DMD: variants seen among roughly 807,000 people sequenced by gnomAD.
DMD encodes dystrophin, also known as mutant dystrophin.
DMD carries 63 observed loss-of-function variants against 330.1 expected under a neutral mutation model. That is an observed-to-expected ratio of 0.19 (90% CI 0.16 to 0.24). The LOEUF (loss-of-function observed/expected upper bound fraction) is 0.24. DMD is among the 10% of genes least tolerant of loss of function. DMD has a pLI of 1.00. For missense variants in DMD, 3,344 were observed against 2,684.1 expected (o/e 1.25, Z -5.43); for synonymous variants, 1,223 against 959.8 (o/e 1.27, Z -5.07).
chrX:31,993,112 C>G (rs752581946), intron 44 of DMD, among the ~76,000 whole-genome samples: 7 of 111,134 alleles, frequency 6.3e-5, no homozygotes, highest in African/African-American at 1.3e-4. Context: ...ATAAATTACC[C>G]TATAAAACTT....
intron 17 of DMD, among the ~76,000 whole-genome samples, chrX:32,523,932 C>CTTTT (rs57254581): frequency 1.1e-5 from 1 of 87,449 alleles, no homozygotes; most frequent in Non-Finnish European, 2.2e-5. Context: ...CAAAAGAAAT[C>CTTTT]TTTTTTTTTT....
At chrX:32,435,124 TTTTA>T (rs1198816879) in intron 29 of DMD, among the ~76,000 whole-genome samples, 2 of 108,127 alleles carry the variant, frequency 1.8e-5, no homozygotes, top group African/African-American at 3.3e-5. Flanking sequence ...TGTCTTCACA[TTTTA>T]TTTAACTAAT....
chrX:31,435,594 T>A (rs1186969136), intron 60 of DMD: 1 of 112,253 alleles, frequency 8.9e-6, no homozygotes, highest in Non-Finnish European at 1.9e-5. Context: ...TAGTTTCCAT[T>A]CCCCTTTATG....
At chrX:31,603,370 T>C (rs1181608828) in intron 55 of DMD, among the ~76,000 whole-genome samples, 1 of 111,616 alleles carries the variant, frequency 9.0e-6, no homozygotes, top group African/African-American at 3.2e-5. Flanking sequence ...CTACTAAATG[T>C]ATGTCTATCA....
rs752926164 is a variant in DMD, at chrX:32,539,136, T to A, written c.2168+6023A>T. Among the ~76,000 whole-genome samples, 8 of 110,162 alleles carry A rather than the reference T, an allele frequency of 7.3e-5. No homozygotes were observed. In the South Asian group the frequency reaches 3.1e-3, roughly 43 times the overall value. ...GAACATTTAATAGATGGTTATCTTT[T>A]TGAGGATGTGAAGATGGTATGCAAG... is the stretch of plus-strand genomic sequence containing the variant. On this transcript the variant is annotated intron_variant, in intron 17 of 78. Transcript: ENST00000357033.
intron 54 of DMD, among the ~76,000 whole-genome samples, chrX:31,630,044 G>A (rs1045510580): frequency 2.0e-4 from 23 of 112,224 alleles, no homozygotes; most frequent in Non-Finnish European, 3.2e-4. Flanking sequence ...GATGAGCTGC[G>A]CTTGATGCAT....
intron 44 of DMD, among the ~76,000 whole-genome samples, chrX:32,131,109 C>T (rs954827284): frequency 9.0e-6 from 1 of 111,203 alleles, no homozygotes; most frequent in African/African-American, 3.3e-5. Context: ...CATTTGAACC[C>T]GGGAGGCAGA....
chrX:32,382,010 A>T (rs992254615), intron 33 of DMD, among the ~76,000 whole-genome samples: 1 of 111,114 alleles, frequency 9.0e-6, no homozygotes, highest in Non-Finnish European at 1.9e-5. Context: ...ACACAGGAAT[A>T]TTGCGAGGGT....
chrX:31,654,590 G>A (rs759673937), intron 54 of DMD, among the ~76,000 whole-genome samples: 3 of 112,033 alleles, frequency 2.7e-5, no homozygotes, highest in Admixed American at 1.9e-4. Flanking sequence ...AAAAAAGAAT[G>A]AGATCATGTC....
chrX:31,446,724 TAGAA>T (rs903778944), intron 59 of DMD, among the ~76,000 whole-genome samples: 3 of 112,463 alleles, frequency 2.7e-5, no homozygotes, highest in Admixed American at 1.9e-4. Context: ...TTTTGCATAA[TAGAA>T]AGGTTAGAAA....
chrX:33,328,025 G>T (rs1404596104), intron 1 of DMD, among the ~76,000 whole-genome samples: 2 of 111,720 alleles, frequency 1.8e-5, no homozygotes, highest in Non-Finnish European at 3.8e-5. Context: ...TAAAATTTAT[G>T]TTGTTCTTCA....
intron 1 of DMD, among the ~76,000 whole-genome samples, chrX:33,079,164 G>A (rs1053940703): frequency 9.0e-6 from 1 of 111,513 alleles, no homozygotes; most frequent in Non-Finnish European, 1.9e-5. Context: ...CCGAGTAGCT[G>A]GGATTACAGG....
intron 45 of DMD, among the ~76,000 whole-genome samples, chrX:31,934,888 C>T (rs2094904318): frequency 8.9e-6 from 1 of 111,946 alleles, no homozygotes; most frequent in South Asian, 3.7e-4. Context: ...ATTCTTTCTT[C>T]GTTTTATGAA....
intron 30 of DMD, among the ~76,000 whole-genome samples, chrX:32,398,391 C>G (rs1205650481): frequency 9.1e-6 from 1 of 109,431 alleles, no homozygotes; most frequent in African/African-American, 3.3e-5. Flanking sequence ...TCAGTGTCTC[C>G]CCTACATTGT....
At chrX:33,129,091 G>C (rs1370044159) in intron 1 of DMD, 1 of 111,448 alleles carries the variant, frequency 9.0e-6, no homozygotes, top group Non-Finnish European at 1.9e-5. Context: ...ATTGTGTCAG[G>C]CTTCTGTAAT....
At chrX:32,790,702 A>G (rs1466006234) in intron 7 of DMD, among the ~76,000 whole-genome samples, 5 of 111,809 alleles carry the variant, frequency 4.5e-5, no homozygotes, top group Non-Finnish European at 9.4e-5. Context: ...CTTCATGCAC[A>G]CTGAAGACTA....
chrX:32,671,214 A>C (rs1444921302), intron 9 of DMD, among the ~76,000 whole-genome samples: 1 of 110,837 alleles, frequency 9.0e-6, no homozygotes, highest in Non-Finnish European at 1.9e-5. Context: ...GTACTTATAT[A>C]ATGTTCTGAA....
chrX:31,232,743 C>T (rs184366525), intron 63 of DMD, among the ~76,000 whole-genome samples: 13 of 111,815 alleles, frequency 1.2e-4, no homozygotes, highest in Non-Finnish European at 2.1e-4. Flanking sequence ...GAGGCTTAAT[C>T]TCGAAGCTGC....
intron 20 of DMD, among the ~76,000 whole-genome samples, chrX:32,489,502 A>C (rs909870273): frequency 4.5e-5 from 5 of 111,191 alleles, no homozygotes; most frequent in African/African-American, 1.6e-4. Context: ...GGTTATCTGC[A>C]AGCCAGGAAG....
Sources: allele counts gnomAD v4.1 joint callset (sites outside exome capture counted in the v4.1 genomes callset), GRCh38; gene constraint gnomAD v4.1.1; transcripts MANE v1.5; gene names NCBI Gene and HGNC (gene_info 2026-07-23, HGNC 2026-07-21).